The following ADAMTS9 variants were observed in gnomAD, a reference collection of about 807,000 sequenced individuals.
ADAMTS9 encodes ADAM metallopeptidase with thrombospondin type 1 motif 9.
ADAMTS9 carries 107 observed loss-of-function variants against 257.1 expected under a neutral mutation model. The ratio of observed to expected loss-of-function variants is 0.42; its 90% CI spans 0.36 to 0.49. The LOEUF (loss-of-function observed/expected upper bound fraction) is 0.49, where lower values mean the gene tolerates loss of function less well. ADAMTS9 is among the 20% of genes least tolerant of loss of function. The pLI is 0.03. For missense variants in ADAMTS9, 2,353 were observed against 2,469.1 expected (o/e 0.95, Z 1.00); for synonymous variants, 982 against 880.9 (o/e 1.11, Z -2.03).
At chr3:64,668,876 A>C (rs983671183) in intron 3 of ADAMTS9, among the ~76,000 whole-genome samples, 5 of 152,150 alleles carry the variant, frequency 3.3e-5, no homozygotes, top group Admixed American at 1.3e-4. Context: ...GGAGCTCTTT[A>C]AAAAGGCATC....
intron 31 of ADAMTS9, among the ~76,000 whole-genome samples, chr3:64,548,855 T>C (rs1003384964): frequency 2.0e-5 from 3 of 152,238 alleles, no homozygotes; most frequent in South Asian, 2.1e-4. Context: ...CTTTTCTAAA[T>C]TGAAAATAAC....
At position 64,568,379 on chromosome 3, in the gene ADAMTS9, C is replaced by T. The variant is rs139982064; in HGVS notation, c.4513G>A (p.Ala1505Thr). Residue 1505 changes from alanine (A) to threonine (T), a missense_variant, in exon 29 of 40, where the codon GCT becomes ACT. Physicochemically the swap from Ala to Thr is moderately conservative, Grantham distance 58 (BLOSUM62 0). Coordinates refer to ENST00000498707, the MANE Select transcript of ADAMTS9 (RefSeq NM_182920.2). ...GGRCPKWKAG[A>T]WSQCSVSCGR... is the part of the protein sequence containing the mutation. ...GAAGCATTGCTCACCTGACTCCAAG[C>T]GCCAGCTTTCCATTTGGGGCATCTT... The T allele has an allele frequency of 1.3e-5, 21 of 1,609,730 alleles. No individual in the cohort carries two copies. The highest frequency in any genetic ancestry group is 2.2e-5 in the South Asian group (2 of 90,268).
intron 28 of ADAMTS9, chr3:64,582,569 G>T (rs1372074891): frequency 6.6e-6 from 1 of 152,180 alleles, no homozygotes; most frequent in Admixed American, 6.5e-5. Flanking sequence ...CTACCTGGCA[G>T]AAAAGGAAGG....
intron 30 of ADAMTS9, 166 bp downstream of exon 30, chr3:64,561,412 C>T: frequency 3.2e-6 from 2 of 623,058 alleles, no homozygotes; most frequent in Non-Finnish European, 2.5e-6. Flanking sequence ...AGTTCTCCCA[C>T]CCTTGTTGGA....
At chr3:64,525,852 C>A (rs2082903320) in intron 38 of ADAMTS9, among the ~76,000 whole-genome samples, 1 of 151,298 alleles carries the variant, frequency 6.6e-6, no homozygotes, top group South Asian at 2.1e-4. Flanking sequence ...CTCAACCGAT[C>A]TGCTGAGATT....
intron 22 of ADAMTS9, 70 bp downstream of exon 22, chr3:64,613,275 C>T: frequency 6.4e-7 from 1 of 1,556,508 alleles, no homozygotes; most frequent in Non-Finnish European, 8.7e-7. Context: ...CACTGGAATG[C>T]TCCTTTGCAA....
At chr3:64,639,187 T>C (rs1393442775) in intron 12 of ADAMTS9, among the ~76,000 whole-genome samples, 1 of 151,750 alleles carries the variant, frequency 6.6e-6, no homozygotes, top group African/African-American at 2.4e-5. Flanking sequence ...ACCTCCGTAT[T>C]CAGAGGCAGT....
chr3:64,622,713 C>A (rs1324370591), intron 16 of ADAMTS9, 127 bp from the exon 17 acceptor site: 5 of 1,009,204 alleles, frequency 5.0e-6, no homozygotes, highest in Non-Finnish European at 7.2e-6. Flanking sequence ...GGCAGACAGG[C>A]ATGGCTTCAA....
chr3:64,620,634 T>A (rs1304627807), intron 19 of ADAMTS9, among the ~76,000 whole-genome samples: 1 of 152,184 alleles, frequency 6.6e-6, no homozygotes, highest in Non-Finnish European at 1.5e-5. Flanking sequence ...CAGACATCCA[T>A]ATATACATTT....
chr3:64,641,808 T>C (rs759418829), intron 12 of ADAMTS9, 40 bp downstream of exon 12: 10 of 1,607,712 alleles, frequency 6.2e-6, no homozygotes, highest in African/African-American at 2.7e-5. Flanking sequence ...TTCATGTTCC[T>C]GCCACGGCAG....
At position 64,604,050 on chromosome 3, in the gene ADAMTS9, C is replaced by CG; in HGVS notation, c.3618dup (p.Val1207ArgfsTer6). 1 of 1,614,094 alleles carries CG rather than the reference C, an allele frequency of 6.2e-7. No individual in the cohort carries two copies. The highest frequency in any genetic ancestry group is 1.7e-5 in the Admixed American group (1 of 60,016). ...GAGCCATTCTCATCTCGGCAGCTGA[C>CG]GTATCTCATCCGGGTACCTTTCCCA... On this transcript the variant is annotated frameshift_variant, in exon 25 of 40. Transcript: ENST00000498707. LOFTEE classifies it high-confidence loss of function.
chr3:64,636,667 T>C (rs1364794272), intron 12 of ADAMTS9, among the ~76,000 whole-genome samples: 1 of 152,176 alleles, frequency 6.6e-6, no homozygotes, highest in Non-Finnish European at 1.5e-5. Context: ...TTAAAGTAAT[T>C]GAAAAAAATT....
chr3:64,594,780 T>C (rs1270038164), intron 27 of ADAMTS9, among the ~76,000 whole-genome samples: 2 of 152,172 alleles, frequency 1.3e-5, no homozygotes, highest in South Asian at 4.1e-4. Context: ...TGTTAGCAAG[T>C]AACAAAGATC....
At chr3:64,528,356 G>A (rs1252235893) in intron 38 of ADAMTS9, among the ~76,000 whole-genome samples, 13 of 152,328 alleles carry the variant, frequency 8.5e-5, no homozygotes, top group South Asian at 6.2e-4. Context: ...GGTATACAGC[G>A]TTGCTGGCAG....
chr3:64,601,477 C>T (rs867067144), intron 26 of ADAMTS9, among the ~76,000 whole-genome samples: 1 of 152,158 alleles, frequency 6.6e-6, no homozygotes, highest in South Asian at 2.1e-4. Flanking sequence ...AGTATTTCCC[C>T]CTAATCCAGG....
chr3:64,652,405 T>G (rs962910093), intron 8 of ADAMTS9, among the ~76,000 whole-genome samples: 3 of 152,228 alleles, frequency 2.0e-5, no homozygotes, highest in Non-Finnish European at 4.4e-5. Flanking sequence ...TCTATTTTCT[T>G]AAAAGAACGA....
intron 3 of ADAMTS9, among the ~76,000 whole-genome samples, chr3:64,661,099 A>G (rs1213808299): frequency 2.0e-5 from 3 of 152,226 alleles, no homozygotes; most frequent in African/African-American, 7.2e-5. Context: ...ATATACACCA[A>G]GGGTAAGGGA....
chr3:64,603,547 G>A (rs148060636), intron 25 of ADAMTS9, among the ~76,000 whole-genome samples: 505 of 152,200 alleles, frequency 3.3e-3, no homozygotes, highest in African/African-American at 0.011. Flanking sequence ...CAGGATGCAG[G>A]AGGAATCTAG....
At chr3:64,556,527 G>T (rs1264051605) in intron 30 of ADAMTS9, among the ~76,000 whole-genome samples, 1 of 152,140 alleles carries the variant, frequency 6.6e-6, no homozygotes, top group African/African-American at 2.4e-5. Context: ...TCACTATGTT[G>T]CCTAGGCTGG....
Sources: gnomAD v4.1 joint callset for allele counts (sites outside exome capture counted in the v4.1 genomes callset) on GRCh38, gnomAD v4.1.1 for gene constraint, MANE v1.5 for transcripts, NCBI Gene and HGNC (gene_info 2026-07-23, HGNC 2026-07-21) for gene names.